Variants in PPP1R21 observed in about 807,000 individuals in gnomAD.
PPP1R21 encodes KLRAQ motif containing 1.
PPP1R21 carries 85 observed loss-of-function variants against 112.8 expected under a neutral mutation model. The ratio of observed to expected loss-of-function variants is 0.75; its 90% CI spans 0.63 to 0.90. The LOEUF is 0.90. Ranked by LOEUF, PPP1R21 falls within the 40% of genes least tolerant of loss-of-function variation. The pLI is 0.00. For synonymous variants in PPP1R21, 381 were observed against 322.3 expected (o/e 1.18, Z -1.95); for missense variants, 1,199 against 901.5 (o/e 1.33, Z -4.23).
intron 17 of PPP1R21, among the ~76,000 whole-genome samples, chr2:48,502,314 A>G (rs1416551446): frequency 6.6e-6 from 1 of 152,310 alleles, no homozygotes; most frequent in South Asian, 2.1e-4. Context: ...CAGCACTCCT[A>G]TAACAAAAGA....
At chr2:48,497,639 AC>A (rs1669904899) in intron 16 of PPP1R21, among the ~76,000 whole-genome samples, 1 of 149,626 alleles carries the variant, frequency 6.7e-6, no homozygotes, top group Non-Finnish European at 1.5e-5. Context: ...TTTTGCACCA[AC>A]CTATAGTTCT....
intron 11 of PPP1R21, among the ~76,000 whole-genome samples, chr2:48,473,889 G>A (rs560832263): frequency 1.4e-4 from 21 of 152,064 alleles, no homozygotes; most frequent in South Asian, 8.3e-4. Context: ...AATGTTAAGC[G>A]TTTACTTTTA....
chr2:48,482,011 C>T (rs1669035696), intron 13 of PPP1R21, among the ~76,000 whole-genome samples: 1 of 152,164 alleles, frequency 6.6e-6, no homozygotes, highest in African/African-American at 2.4e-5. Context: ...TGGATCCTGT[C>T]CCCAAGATAC....
intron 17 of PPP1R21, among the ~76,000 whole-genome samples, chr2:48,503,160 A>T (rs113628076): frequency 0.016 from 2,439 of 152,340 alleles, 57 homozygotes; most frequent in African/African-American, 0.053. Flanking sequence ...CGGAATGGAA[A>T]AGCATTGCTT....
chr2:48,464,999 G>C lies in PPP1R21; in HGVS notation c.747+10G>C. ...CAATAGGAGACACCAGGTAAAGGAT[G>C]AAGTACATGTTTTTATTTTCAGTTA... On this transcript the variant is annotated intron_variant, in intron 8 of 21. Coordinates refer to ENST00000294952, the MANE Select transcript of PPP1R21 (RefSeq NM_001135629.3). 1 of 1,555,482 alleles carries C rather than the reference G, an allele frequency of 6.4e-7. No homozygotes were observed. Among genetic ancestry groups the C allele is most frequent in the Non-Finnish European group, 8.6e-7 (1 of 1,160,226 alleles).
chr2:48,469,403 TATAG>T lies in PPP1R21; in HGVS notation c.898-1682_898-1679del, dbSNP rs1470094999. 1.0e-4 allele frequency among the ~76,000 whole-genome samples: 8 copies of T among 78,546 alleles called. 1 individual carries two copies. Among genetic ancestry groups the T allele is most frequent in the Non-Finnish European group, 2.4e-4 (8 of 33,580 alleles). The allele number at this position is 78,546 out of a possible 152,430, so 51.5% of individuals were successfully genotyped here. ...AGCATATATATATAGAGCATATATA[TATAG>T]AGAGAGAGCATATATATATAGAGCA... On this transcript the variant is annotated intron_variant, in intron 9 of 21. Transcript: ENST00000294952.
chr2:48,474,104 CG>C (rs1325596557), intron 11 of PPP1R21, among the ~76,000 whole-genome samples: 5 of 152,044 alleles, frequency 3.3e-5, no homozygotes, highest in Non-Finnish European at 7.3e-5. Context: ...AAAATATGGC[CG>C]GGCGTGGTGG....
At chr2:48,464,178 A>T (rs575004525) in intron 7 of PPP1R21, among the ~76,000 whole-genome samples, 1 of 152,292 alleles carries the variant, frequency 6.6e-6, no homozygotes, top group South Asian at 2.1e-4. Context: ...GTGTTGGTGG[A>T]TGGGAGATCA....
chr2:48,506,088 G>A (rs1487230135), intron 18 of PPP1R21, among the ~76,000 whole-genome samples: 1 of 152,168 alleles, frequency 6.6e-6, no homozygotes, highest in African/African-American at 2.4e-5. Flanking sequence ...ATTCTAAGAT[G>A]TAACTTTATT....
intron 7 of PPP1R21, among the ~76,000 whole-genome samples, chr2:48,462,994 G>C (rs998311347): frequency 6.6e-6 from 1 of 152,194 alleles, no homozygotes; most frequent in Non-Finnish European, 1.5e-5. Context: ...GCAGTTGACC[G>C]AAAGAAAAGA....
chr2:48,488,234 C>G (rs1221908303), intron 14 of PPP1R21, among the ~76,000 whole-genome samples: 2 of 152,110 alleles, frequency 1.3e-5, no homozygotes, highest in Non-Finnish European at 2.9e-5. Context: ...GAGGACCATC[C>G]CCACTGCCTC....
chr2:48,515,247 T>TCTCTCTCC lies in PPP1R21; in HGVS notation c.*503_*504insCTCTCTCC, dbSNP rs1553350043. 2.2e-5 allele frequency: 3 copies of TCTCTCTCC among 135,222 alleles called. No individual in the cohort carries two copies. The Admixed American group carries it at 2.3e-4, about 10-fold the overall frequency. 8.4% of individuals were successfully genotyped at this position (135,222 alleles called of 1,614,324 possible). On this transcript the variant is annotated 3_prime_UTR_variant, in exon 22 of 22. Coordinates refer to ENST00000294952, the MANE Select transcript of PPP1R21 (RefSeq NM_001135629.3). ...CTCTCTCTCTCTCTCTCTCTCTCTC[T>TCTCTCTCC]TCTTTCTCTCTGAGGGAGAGGGAGC...
intron 11 of PPP1R21, among the ~76,000 whole-genome samples, chr2:48,472,307 T>A (rs1176577816): frequency 1.4e-5 from 2 of 147,874 alleles, no homozygotes; most frequent in African/African-American, 5.0e-5. Context: ...AGAAATAATA[T>A]TTTACAGTAA....
At chr2:48,494,239 CAAAAAAAAAAAAAAAAAAAAA>C (rs70943345) in intron 15 of PPP1R21, among the ~76,000 whole-genome samples, 1 of 42,248 alleles carries the variant, frequency 2.4e-5, no homozygotes, top group Non-Finnish European at 3.6e-5. Context: ...GACCTTGTCT[CAAAAAAAAAAAAAAAAAAAAA>C]AAAAAAAAAA....
intron 13 of PPP1R21, among the ~76,000 whole-genome samples, chr2:48,485,960 T>C (rs893500818): frequency 1.7e-4 from 25 of 147,696 alleles, no homozygotes; most frequent in Admixed American, 4.1e-4. Context: ...TTGTATTATA[T>C]ATAGTTTTAT....
In PPP1R21 at chr2:48,507,337, G is replaced by A. The variant is rs201931956; in HGVS notation, c.2037G>A (p.Thr679=). The change falls in exon 19 of 22, where the codon ACG becomes ACA. Residue 679 remains threonine (T), a synonymous_variant. Coordinates refer to ENST00000294952, the MANE Select transcript of PPP1R21 (RefSeq NM_001135629.3). ...ACATGGCAAGGATAGTGGAACTTACGTCTCAGTTGCAGCTGGCTGACAGTA... is the reference window on the plus strand; with the variant it reads ...ACATGGCAAGGATAGTGGAACTTACATCTCAGTTGCAGCTGGCTGACAGTA... ...NHYMARIVEL[T]SQLQLADSKS... is the part of the protein sequence containing the mutation. 1.7e-4 allele frequency: 264 copies of A among 1,594,858 alleles called. No individual in the cohort carries two copies. Among genetic ancestry groups the A allele is most frequent in the East Asian group, 1.4e-3 (61 of 43,944 alleles).
chr2:48,454,709 G>A lies in PPP1R21; in HGVS notation c.241G>A (p.Ala81Thr), dbSNP rs1414172137. Residue 81 changes from alanine to threonine, a missense_variant, in exon 3 of 22, where the codon GCT (alanine) becomes ACT (threonine). Transcript: ENST00000294952. ...GGTAGAACTACTTCAAGATGAACTA[G>A]CTCTAAGTGAACCACGAGGCAAGAA... ...KRVELLQDEL[A>T]LSEPRGKKNK... 1.9e-6 allele frequency: 3 copies of A among 1,614,120 alleles called. No individual in the cohort carries two copies. The highest frequency in any genetic ancestry group is 2.5e-6 in the Non-Finnish European group (3 of 1,179,994).
At chr2:48,456,252 C>CTTT (rs778594245) in intron 3 of PPP1R21, among the ~76,000 whole-genome samples, 14 of 130,364 alleles carry the variant, frequency 1.1e-4, no homozygotes, top group South Asian at 7.4e-4. Flanking sequence ...GATTGCTGCT[C>CTTT]TTTTTTTTTT....
In PPP1R21 at chr2:48,465,471, C is replaced by G. The variant is rs149129326; in HGVS notation, c.748-22C>G. 12 of 1,597,244 alleles carry G rather than the reference C, an allele frequency of 7.5e-6. No homozygotes were observed. In the African/African-American group the frequency reaches 1.1e-4, roughly 14 times the overall value. ...ATAATAATTTGAGAGTTGACCTTAACTATATATTTTTCATTTTAAAGCTGA... is the reference window on the plus strand; with the variant it reads ...ATAATAATTTGAGAGTTGACCTTAAGTATATATTTTTCATTTTAAAGCTGA... On this transcript the variant is annotated intron_variant, in intron 8 of 21. Coordinates refer to ENST00000294952, the MANE Select transcript of PPP1R21 (RefSeq NM_001135629.3).
Sources: allele counts gnomAD v4.1 joint callset (sites outside exome capture counted in the v4.1 genomes callset), GRCh38; gene constraint gnomAD v4.1.1; transcripts MANE v1.5; gene names NCBI Gene and HGNC (gene_info 2026-07-23, HGNC 2026-07-21).